The following DNAAF11 variants were observed in gnomAD, a reference collection of about 807,000 sequenced individuals.
DNAAF11 encodes leucine rich repeat containing 6.
In DNAAF11, 45 loss-of-function variants were observed where a neutral mutation model predicts 60.8. The observed-to-expected ratio is 0.74, with a 90% confidence interval of 0.58 to 0.95. The LOEUF (loss-of-function observed/expected upper bound fraction) is 0.95. Among genes scored for constraint, DNAAF11 ranks in the 40% least tolerant of loss-of-function variants. The probability of loss-of-function intolerance (pLI) is 0.00; values close to 1 mark genes in which losing one functional copy is unlikely to be tolerated. For synonymous variants in DNAAF11, 191 were observed against 183.5 expected, an observed-to-expected ratio of 1.04 and a Z score of -0.33; for missense variants, 546 against 546.2, an observed-to-expected ratio of 1.00 and a Z score of 0.00.
intron 3 of DNAAF11, among the ~76,000 whole-genome samples, chr8:132,656,182 T>C (rs1484981010): frequency 5.9e-5 from 9 of 152,078 alleles, no homozygotes; most frequent in Non-Finnish European, 1.2e-4. Context: ...TTCCTGGATA[T>C]CAAAAAAGCA....
Position 132,571,323 on chromosome 8 carries a change from G to C in DNAAF11, c.*983C>G, listed in dbSNP as rs1261024763. Among the ~76,000 whole-genome samples, 1 of 152,146 alleles carries C rather than the reference G, an allele frequency of 6.6e-6. No individual in the cohort carries two copies. The highest frequency in any genetic ancestry group is 1.5e-5 in the Non-Finnish European group (1 of 68,036). ...AATAGTTGCTCAATAAGTATTTGTTGAATGAATATTTGGGGAAACTGACTT... is the reference window on the plus strand; with the variant it reads ...AATAGTTGCTCAATAAGTATTTGTTCAATGAATATTTGGGGAAACTGACTT... On this transcript the variant is annotated 3_prime_UTR_variant, in exon 12 of 12. Coordinates refer to ENST00000620350, the MANE Select transcript of DNAAF11 (RefSeq NM_012472.6).
Position 132,595,051 on chromosome 8 carries a change from A to G in DNAAF11, c.1141-11272T>C, listed in dbSNP as rs184507882. On this transcript the variant is annotated intron_variant, in intron 10 of 11. Coordinates refer to ENST00000620350, the MANE Select transcript of DNAAF11 (RefSeq NM_012472.6). ...CCCTTCACCTTCCACCATGATCTGG[A>G]GGTCTCCCCAGCTATGTGGAACTGT... Among the ~76,000 whole-genome samples, 445 of 152,146 alleles carry G rather than the reference A, an allele frequency of 2.9e-3. 5 individuals are homozygous for G. The highest frequency in any genetic ancestry group is 9.5e-3 in the African/African-American group (393 of 41,518).
chr8:132,615,065 T>C lies in DNAAF11; in HGVS notation c.947A>G (p.Gln316Arg), dbSNP rs773789654. 2 of 1,607,952 alleles carry C rather than the reference T, an allele frequency of 1.2e-6. No individual in the cohort carries two copies. The highest frequency in any genetic ancestry group is 4.5e-5 in the East Asian group (2 of 44,736). The change falls in exon 8 of 12, where the codon CAG (glutamine) becomes CGG (arginine). Residue 316 changes from glutamine (Q) to arginine (R), a missense_variant. Physicochemically the swap from Gln to Arg is conservative, Grantham distance 43. Coordinates refer to ENST00000620350, the MANE Select transcript of DNAAF11 (RefSeq NM_012472.6). ...IDFSLKDNEKQIILDLAVYRY... is the reference protein window; with the variant it reads ...IDFSLKDNEKRIILDLAVYRY... ...ATAGACAGCAAGGTCCAGGATGATC[T>C]GCTTTTCGTTATCTTTCAAAGAGAA... is the stretch of plus-strand genomic sequence containing the variant.
chr8:132,667,418 G>A (rs1429269671), intron 1 of DNAAF11, among the ~76,000 whole-genome samples: 1 of 152,028 alleles, frequency 6.6e-6, no homozygotes, highest in Non-Finnish European at 1.5e-5. Flanking sequence ...CTATAAATAA[G>A]TAAAGAAATA....
rs397515461 is a variant in DNAAF11 at position 132,632,831 on chromosome 8, G to A, written c.562C>T (p.Gln188Ter). The part of the protein sequence containing the change: ...LKRAKLKEEA[Q>*]RKHQEEDKNE... ...TTATCCTCTTCTTGGTGTTTCCTCT[G>A]AGCCTCTTCCTTGAGTTTGGCTCGT... Residue 188 changes from glutamine to a stop codon, truncating the protein, a stop_gained, in exon 5 of 12, where the codon CAG becomes TAG. Transcript: ENST00000620350. LOFTEE classifies it high-confidence loss of function. 36 of 1,613,710 alleles carry A rather than the reference G, an allele frequency of 2.2e-5. No individual in the cohort carries two copies. Among genetic ancestry groups the A allele is most frequent in the Non-Finnish European group, 2.4e-5 (28 of 1,179,852 alleles).
intron 10 of DNAAF11, among the ~76,000 whole-genome samples, chr8:132,588,910 T>G (rs2131056060): frequency 6.6e-6 from 1 of 152,106 alleles, no homozygotes; most frequent in South Asian, 2.1e-4. Context: ...GCCACACACT[T>G]TCAGACCACC....
At chr8:132,603,865 G>A (rs558299690) in intron 10 of DNAAF11, among the ~76,000 whole-genome samples, 17 of 152,192 alleles carry the variant, frequency 1.1e-4, no homozygotes, top group Admixed American at 8.5e-4. Context: ...AGGCGGGGGC[G>A]GAGTGGGAAG....
intron 5 of DNAAF11, among the ~76,000 whole-genome samples, chr8:132,629,492 C>T (rs916446928): frequency 7.2e-5 from 11 of 151,956 alleles, no homozygotes; most frequent in Non-Finnish European, 1.5e-4. Context: ...GGACTACAGG[C>T]GCCTGCCACC....
intron 2 of DNAAF11, among the ~76,000 whole-genome samples, chr8:132,658,760 C>T (rs767566642): frequency 1.3e-4 from 20 of 152,252 alleles, no homozygotes; most frequent in East Asian, 5.8e-4. Context: ...CTTTGTTATA[C>T]GCATCACCCT....
chr8:132,637,618 A>G (rs1181135183), intron 4 of DNAAF11, among the ~76,000 whole-genome samples: 1 of 152,058 alleles, frequency 6.6e-6, no homozygotes, highest in Non-Finnish European at 1.5e-5. Context: ...AAAAAAAAAA[A>G]CAAGTAATAA....
chr8:132,586,630 C>T (rs954756206), intron 10 of DNAAF11, among the ~76,000 whole-genome samples: 2 of 152,140 alleles, frequency 1.3e-5, no homozygotes, highest in Non-Finnish European at 2.9e-5. Flanking sequence ...GGACCTGTAA[C>T]TCTCATGTAA....
chr8:132,634,335 T>C (rs1312347813), intron 4 of DNAAF11, among the ~76,000 whole-genome samples: 1 of 152,200 alleles, frequency 6.6e-6, no homozygotes, highest in African/African-American at 2.4e-5. Context: ...AACACATTTC[T>C]AGCACAGAGT....
upstream of DNAAF11, among the ~76,000 whole-genome samples, chr8:132,679,638 T>C (rs1420577504): frequency 1.3e-5 from 2 of 152,154 alleles, no homozygotes; most frequent in Non-Finnish European, 1.5e-5. Context: ...AATTCCCACG[T>C]GTTGTGGGAG....
intron 11 of DNAAF11, chr8:132,578,353 G>A: frequency 1.0e-6 from 1 of 980,300 alleles, no homozygotes; most frequent in Non-Finnish European, 1.4e-6. Context: ...GCTAAGCCTG[G>A]GGCACTTGAA....
At chr8:132,632,013 A>C (rs1820851417) in intron 5 of DNAAF11, among the ~76,000 whole-genome samples, 1 of 152,040 alleles carries the variant, frequency 6.6e-6, no homozygotes, top group African/African-American at 2.4e-5. Flanking sequence ...CTTAAAGTAT[A>C]ATTTAAAAAA....
upstream of DNAAF11, among the ~76,000 whole-genome samples, chr8:132,676,661 A>G (rs1483861846): frequency 1.3e-5 from 2 of 152,212 alleles, no homozygotes; most frequent in Non-Finnish European, 2.9e-5. Context: ...CAAGGTCATG[A>G]ACTTGGACAG....
At chr8:132,651,059 C>T (rs905800657) in intron 3 of DNAAF11, among the ~76,000 whole-genome samples, 10 of 152,180 alleles carry the variant, frequency 6.6e-5, no homozygotes, top group Admixed American at 6.5e-4. Flanking sequence ...GCACTGCTTC[C>T]TTCAGTGGAG....
intron 10 of DNAAF11, among the ~76,000 whole-genome samples, chr8:132,595,349 A>G (rs1816895084): frequency 1.5e-5 from 1 of 66,678 alleles, no homozygotes; most frequent in Non-Finnish European, 2.7e-5. Context: ...GACAGAGGGG[A>G]AAAAAAAAAA....
chr8:132,691,057 GCCCA>G, the DNAAF11 span, among the ~76,000 whole-genome samples: 1 of 150,266 alleles, frequency 6.7e-6, no homozygotes, highest in African/African-American at 2.5e-5. Flanking sequence ...ACTATGTGTA[GCCCA>G]CACTTAAGGA....
Sources: allele counts gnomAD v4.1 joint callset (sites outside exome capture counted in the v4.1 genomes callset), GRCh38; gene constraint gnomAD v4.1.1; transcripts MANE v1.5; gene names NCBI Gene and HGNC (gene_info 2026-07-23, HGNC 2026-07-21).